Variants in DENND4C observed in about 807,000 individuals in gnomAD.
DENND4C encodes DENN domain containing 4C.
Under a neutral mutation model 203.0 loss-of-function variants are expected in DENND4C, and 108 were observed. That is an observed-to-expected ratio of 0.53 (90% confidence interval 0.46 to 0.62). The LOEUF is 0.62. Ranked by LOEUF, DENND4C falls within the 20% of genes least tolerant of loss-of-function variation. The pLI, the probability that DENND4C is intolerant of heterozygous loss-of-function variation, is 0.00. For missense variants in DENND4C, 2,481 were observed against 2,301.2 expected (o/e 1.08, Z -1.60); for synonymous variants, 871 against 792.4 (o/e 1.10, Z -1.67).
At chr9:19,334,118 C>T (rs544705413) in intron 17 of DENND4C, among the ~76,000 whole-genome samples, 3 of 152,292 alleles carry the variant, frequency 2.0e-5, no homozygotes, top group African/African-American at 2.4e-5. Context: ...AGTCTTGGCT[C>T]ACTACAATCT....
At chr9:19,289,479 TATAATATA>T (rs894724875) in intron 4 of DENND4C, among the ~76,000 whole-genome samples, 4 of 152,180 alleles carry the variant, frequency 2.6e-5, no homozygotes, top group African/African-American at 9.7e-5. Context: ...CCATTTAATT[TATAATATA>T]AAAATAATGG....
intron 2 of DENND4C, among the ~76,000 whole-genome samples, chr9:19,280,170 T>TC: frequency 1.3e-5 from 1 of 76,786 alleles, no homozygotes; most frequent in African/African-American, 4.7e-5. Flanking sequence ...TCCTTTTTTT[T>TC]TGGACAGAGT....
At chr9:19,345,799 A>T in intron 22 of DENND4C, 122 bp from the exon 23 acceptor site, 1 of 968,236 alleles carries the variant, frequency 1.0e-6, no homozygotes, top group Non-Finnish European at 1.4e-6. Context: ...TATGGCCTCT[A>T]AATTTTCTGG....
chr9:19,344,954 C>G (rs1335177174), intron 22 of DENND4C, among the ~76,000 whole-genome samples: 1 of 152,160 alleles, frequency 6.6e-6, no homozygotes, highest in African/African-American at 2.4e-5. Flanking sequence ...CCTCGTACAG[C>G]AGAGAAGGAG....
intron 30 of DENND4C, among the ~76,000 whole-genome samples, chr9:19,363,660 T>C (rs1463679580): frequency 6.6e-6 from 1 of 152,114 alleles, no homozygotes; most frequent in Non-Finnish European, 1.5e-5. Context: ...AATATAAACA[T>C]ATTTTAAAAG....
intron 10 of DENND4C, among the ~76,000 whole-genome samples, chr9:19,315,555 ATATG>A (rs1412742236): frequency 2.6e-5 from 4 of 151,344 alleles, no homozygotes; most frequent in Non-Finnish European, 5.9e-5. Context: ...ATACGTGTAT[ATATG>A]TATGTGTGTA....
At chr9:19,352,268 C>G (rs1824316292) in intron 25 of DENND4C, 86 bp downstream of exon 25, 3 of 1,267,596 alleles carry the variant, frequency 2.4e-6, no homozygotes, top group East Asian at 4.8e-5. Context: ...TCTAAGATAC[C>G]CTTGTGGACA....
At chr9:19,327,232 A>G (rs1210501188) in intron 15 of DENND4C, among the ~76,000 whole-genome samples, 2 of 152,122 alleles carry the variant, frequency 1.3e-5, no homozygotes, top group East Asian at 3.8e-4. Context: ...ATTCTGGAAG[A>G]AAATTGGCCA....
intron 16 of DENND4C, 71 bp downstream of exon 16, chr9:19,328,233 G>C (rs1588928787): frequency 5.8e-6 from 8 of 1,369,186 alleles, no homozygotes; most frequent in Non-Finnish European, 2.9e-6. Flanking sequence ...GCAGCTCATA[G>C]TTTAGAATGA....
chr9:19,289,356 T>C (rs1324957955), intron 4 of DENND4C, among the ~76,000 whole-genome samples: 2 of 152,184 alleles, frequency 1.3e-5, no homozygotes, highest in East Asian at 3.8e-4. Context: ...CAGTGCTAAT[T>C]ACTATTTGAT....
At chr9:19,354,212 A>G (rs914962922) in intron 26 of DENND4C, among the ~76,000 whole-genome samples, 3 of 152,162 alleles carry the variant, frequency 2.0e-5, no homozygotes, top group Non-Finnish European at 2.9e-5. Flanking sequence ...CCATTATTCT[A>G]GTGTTGGGTA....
chr9:19,285,207 G>T (rs186241447), intron 2 of DENND4C, among the ~76,000 whole-genome samples: 320 of 151,972 alleles, frequency 2.1e-3, no homozygotes, highest in African/African-American at 7.3e-3. Flanking sequence ...CTGTTTCATT[G>T]TCTTTCTGTT....
chr9:19,235,476 G>C (rs1821701808), intron 1 of DENND4C, among the ~76,000 whole-genome samples: 1 of 152,124 alleles, frequency 6.6e-6, no homozygotes, highest in Admixed American at 6.5e-5. Context: ...GATATAAGAA[G>C]TAATGTAATT....
intron 10 of DENND4C, among the ~76,000 whole-genome samples, chr9:19,309,411 A>G (rs564224783): frequency 4.9e-4 from 74 of 151,786 alleles, no homozygotes; most frequent in African/African-American, 1.8e-3. Flanking sequence ...AATAAGAGCA[A>G]AACTCCATCT....
rs1563807873 is a variant in DENND4C, at chr9:19,328,173, C to T, written c.2253+11C>T. 6.3e-7 allele frequency: 1 copy of T among 1,597,010 alleles called. No homozygotes were observed. On this transcript the variant is annotated intron_variant, in intron 16 of 32. Transcript: ENST00000434457. ...AAGAGAACTAAACAGGTCAGATATT[C>T]TTTATCTAATACATGTTCATTTAAG...
chr9:19,295,669 C>CAAAAAAA (rs1173472125), intron 5 of DENND4C, among the ~76,000 whole-genome samples: 2 of 72,612 alleles, frequency 2.8e-5, no homozygotes, highest in South Asian at 4.7e-4. Context: ...GACTCCATCT[C>CAAAAAAA]AAAAAAAAAA....
chr9:19,331,882 A>T (rs1431835120), intron 16 of DENND4C, 96 bp from the exon 17 acceptor site: 1 of 1,180,270 alleles, frequency 8.5e-7, no homozygotes, highest in East Asian at 2.6e-5. Flanking sequence ...TAGGGGGTCA[A>T]GTTTTACTTA....
At chr9:19,303,995 T>C (rs1476015198) in intron 9 of DENND4C, among the ~76,000 whole-genome samples, 1 of 151,050 alleles carries the variant, frequency 6.6e-6, no homozygotes, top group Non-Finnish European at 1.5e-5. Context: ...ATCACTGCAT[T>C]TGGCCTTAAC....
In DENND4C at chr9:19,273,975, C is replaced by T. The variant is rs1000071821; in HGVS notation, c.-17-2183C>T. On this transcript the variant is annotated intron_variant, in intron 1 of 32. Coordinates refer to ENST00000434457, the MANE Select transcript of DENND4C (RefSeq NM_001330640.2). The stretch of plus-strand genomic sequence containing the variant: ...ACATGGGTATTCACAGCAGCTTTAT[C>T]TGTGATAGTTTCACACGGGAAATAA... 1.4e-4 allele frequency among the ~76,000 whole-genome samples: 22 copies of T among 152,130 alleles called. 2 individuals carry two copies. Among genetic ancestry groups the T allele is most frequent in the Admixed American group, 4.6e-4 (7 of 15,284 alleles).
Sources: allele counts gnomAD v4.1 joint callset (sites outside exome capture counted in the v4.1 genomes callset), GRCh38; gene constraint gnomAD v4.1.1; transcripts MANE v1.5; gene names NCBI Gene and HGNC (gene_info 2026-07-23, HGNC 2026-07-21).